EML1: variants seen among roughly 807,000 people sequenced by gnomAD.
EML1 encodes the protein echinoderm microtubule-associated protein-like 1.
In EML1, 27 loss-of-function variants were observed where a neutral mutation model predicts 110.4. The ratio of observed to expected loss-of-function variants is 0.24; its 90% CI spans 0.18 to 0.34. EML1 has a LOEUF of 0.34. Ranked by LOEUF, EML1 falls within the 10% of genes least tolerant of loss-of-function variation. EML1 has a pLI of 1.00. For missense variants in EML1, 741 were observed against 1,030.9 expected (o/e 0.72, Z 3.85); for synonymous variants, 344 against 385.8 (o/e 0.89, Z 1.27).
intron 1 of EML1, among the ~76,000 whole-genome samples, chr14:99,821,255 C>T (rs2139745273): frequency 6.6e-6 from 1 of 152,244 alleles, no homozygotes; most frequent in Admixed American, 6.5e-5. Flanking sequence ...AGTCCTCCTG[C>T]CTCAACATCT....
intron 1 of EML1, among the ~76,000 whole-genome samples, chr14:99,806,857 G>T (rs1330171204): frequency 6.6e-6 from 1 of 151,982 alleles, no homozygotes; most frequent in African/African-American, 2.4e-5. Flanking sequence ...AAATGATGAG[G>T]GGCATATGTT....
chr14:99,910,709 A>G (rs2059931514), intron 12 of EML1, among the ~76,000 whole-genome samples: 1 of 152,220 alleles, frequency 6.6e-6, no homozygotes. Flanking sequence ...CATGTGGCAG[A>G]CATTTATTGA....
intron 3 of EML1, among the ~76,000 whole-genome samples, chr14:99,867,034 A>G (rs2059114604): frequency 6.6e-6 from 1 of 152,174 alleles, no homozygotes; most frequent in Non-Finnish European, 1.5e-5. Context: ...TTACCCAGAT[A>G]GTGAAGATAG....
intron 13 of EML1, among the ~76,000 whole-genome samples, chr14:99,911,783 C>G (rs1269741960): frequency 6.6e-6 from 1 of 152,036 alleles, no homozygotes; most frequent in African/African-American, 2.4e-5. Flanking sequence ...GAGGTTGTAA[C>G]ACACTTCATA....
intron 17 of EML1, among the ~76,000 whole-genome samples, chr14:99,924,307 CTTT>C (rs1018744359): frequency 6.6e-6 from 1 of 152,098 alleles, no homozygotes; most frequent in African/African-American, 2.4e-5. Flanking sequence ...TTCTAAACTT[CTTT>C]GATTAGTTTT....
At chr14:99,761,039 T>C (rs181291435) in intron 1 of EML1, among the ~76,000 whole-genome samples, 2 of 152,206 alleles carry the variant, frequency 1.3e-5, no homozygotes, top group East Asian at 1.9e-4. Flanking sequence ...TAAAGTGTTT[T>C]CTCTGTGCCA....
rs141892564 is a variant in EML1 at position 99,861,463 on chromosome 14, A to G, written c.251-4051A>G. ...CCTAAATGGAGGCAGATTTAATTCT[A>G]TGATGAACAAAATCTGCTAGCTTTT... On this transcript the variant is annotated intron_variant, in intron 2 of 21. Transcript: ENST00000262233. 2.0e-5 allele frequency among the ~76,000 whole-genome samples: 3 copies of G among 152,340 alleles called. No homozygotes were observed. The East Asian group carries it at 5.8e-4, about 29-fold the overall frequency.
intron 17 of EML1, among the ~76,000 whole-genome samples, chr14:99,935,623 A>T (rs2060454404): frequency 6.6e-6 from 1 of 152,060 alleles, no homozygotes; most frequent in Non-Finnish European, 1.5e-5. Context: ...CTCTACCGAA[A>T]ATACAAAAAA....
chr14:99,814,816 G>A (rs1025556805), intron 1 of EML1, among the ~76,000 whole-genome samples: 10 of 152,164 alleles, frequency 6.6e-5, no homozygotes, highest in Admixed American at 4.6e-4. Context: ...TCATGCACAT[G>A]GGGCTCAATG....
At chr14:99,844,269 A>AG (rs1181379409) in intron 1 of EML1, among the ~76,000 whole-genome samples, 2 of 152,198 alleles carry the variant, frequency 1.3e-5, no homozygotes, top group Non-Finnish European at 2.9e-5. Context: ...TCACAAGGTC[A>AG]GGGGTTCAAG....
intron 1 of EML1, among the ~76,000 whole-genome samples, chr14:99,748,532 G>A (rs1163270154): frequency 6.6e-6 from 1 of 152,042 alleles, no homozygotes; most frequent in African/African-American, 2.4e-5. Flanking sequence ...ACTTTGGGAG[G>A]CCAAGGCAGG....
intron 1 of EML1, among the ~76,000 whole-genome samples, chr14:99,839,553 T>A (rs1280173414): frequency 6.6e-6 from 1 of 152,200 alleles, no homozygotes; most frequent in Non-Finnish European, 1.5e-5. Flanking sequence ...ATCTTGAGTA[T>A]TTTTTCTCAT....
intron 1 of EML1, among the ~76,000 whole-genome samples, chr14:99,777,099 G>A (rs1056250149): frequency 6.6e-6 from 1 of 152,294 alleles, no homozygotes; most frequent in Middle Eastern, 3.4e-3. Context: ...CCAACCCACA[G>A]AAGAAGACTC....
chr14:99,745,507 A>C (rs557324669), intron 1 of EML1, among the ~76,000 whole-genome samples: 2 of 152,350 alleles, frequency 1.3e-5, no homozygotes, highest in South Asian at 4.1e-4. Context: ...ATGAGATAAG[A>C]TCTGGTTTAA....
At chr14:99,883,629 A>G (rs778312195) in intron 4 of EML1, 5 of 152,084 alleles carry the variant, frequency 3.3e-5, no homozygotes, top group South Asian at 2.1e-4. Context: ...CAGTCATTAC[A>G]TTTCCACGTG....
intron 1 of EML1, among the ~76,000 whole-genome samples, chr14:99,801,928 G>A (rs1210495367): frequency 6.6e-6 from 1 of 152,196 alleles, no homozygotes; most frequent in African/African-American, 2.4e-5. Context: ...CTTAGCCTTA[G>A]GAAGCCTAAT....
chr14:99,779,085 GA>G (rs2057512871), intron 1 of EML1, among the ~76,000 whole-genome samples: 1 of 152,074 alleles, frequency 6.6e-6, no homozygotes, highest in Non-Finnish European at 1.5e-5. Context: ...CTTTGTTTTG[GA>G]AACTTTTCTT....
chr14:99,795,230 G>A (rs2057747960), intron 1 of EML1, among the ~76,000 whole-genome samples: 2 of 152,166 alleles, frequency 1.3e-5, no homozygotes, highest in Admixed American at 1.3e-4. Context: ...TGACCTACAC[G>A]TCTGTTCATG....
intron 6 of EML1, among the ~76,000 whole-genome samples, chr14:99,895,071 A>G (rs1023403477): frequency 6.6e-6 from 1 of 152,036 alleles, no homozygotes; most frequent in African/African-American, 2.4e-5. Flanking sequence ...TGAAGATGTT[A>G]TATGATTGTA....
Sources: allele counts gnomAD v4.1 joint callset (sites outside exome capture counted in the v4.1 genomes callset), GRCh38; gene constraint gnomAD v4.1.1; transcripts MANE v1.5; gene names NCBI Gene and HGNC (gene_info 2026-07-23, HGNC 2026-07-21).